The following RALB variants were observed in gnomAD, a reference collection of about 807,000 sequenced individuals.
The protein encoded by RALB is RAS like proto-oncogene B, also known as ras-related protein Ral-B.
RALB carries 16 observed loss-of-function variants against 21.3 expected under a neutral mutation model. The observed-to-expected ratio is 0.75, with a 90% CI of 0.51 to 1.14. The LOEUF is 1.14. Ranked by LOEUF, RALB falls within the 50% of genes most tolerant of loss-of-function variation. The pLI, the probability that RALB is intolerant of heterozygous loss-of-function variation, is 0.00. For synonymous variants in RALB, 93 were observed against 96.1 expected (o/e 0.97, Z 0.19); for missense variants, 161 against 256.2 (o/e 0.63, Z 2.54).
rs745372350 is a variant in RALB, at chr2:120,252,893, G to A, written c.-135G>A. On this transcript the variant is annotated 5_prime_UTR_variant, in exon 1 of 5. Transcript: ENST00000272519. Reference sequence around the variant, plus strand: ...GCTCAATGACAAATCGGTGGAGGACGGCTGGGGTCCGGCCCCGGGAGGGGG... The same window carrying A: ...GCTCAATGACAAATCGGTGGAGGACAGCTGGGGTCCGGCCCCGGGAGGGGG... 34 of 985,452 alleles carry A rather than the reference G, an allele frequency of 3.5e-5. No individual in the cohort carries two copies. Among genetic ancestry groups the A allele is most frequent in the Middle Eastern group, 1.0e-3 (2 of 1,936 alleles). 61.0% of individuals were successfully genotyped at this position (985,452 alleles called of 1,614,324 possible).
At chr2:120,264,217 C>A (rs1689441818) in intron 1 of RALB, among the ~76,000 whole-genome samples, 1 of 150,916 alleles carries the variant, frequency 6.6e-6, no homozygotes, top group African/African-American at 2.4e-5. Context: ...GTGGTGTGAT[C>A]TCGGCTCACT....
chr2:120,252,823 G>A (rs1470382944), upstream of RALB: 1 of 985,672 alleles, frequency 1.0e-6, no homozygotes, highest in African/African-American at 1.7e-5. Flanking sequence ...GGTTGCCTAG[G>A]CGACGCCGGA....
chr2:120,272,879 C>A (rs565146172), intron 1 of RALB, among the ~76,000 whole-genome samples: 430 of 152,236 alleles, frequency 2.8e-3, no homozygotes, highest in African/African-American at 9.4e-3. Context: ...GTACTGTAAT[C>A]ATTTACTTAC....
At chr2:120,269,112 A>G (rs1290831027) in intron 1 of RALB, among the ~76,000 whole-genome samples, 5 of 152,096 alleles carry the variant, frequency 3.3e-5, no homozygotes, top group Non-Finnish European at 7.4e-5. Context: ...ATTTGGTTGT[A>G]ATTTGGTTTG....
intron 1 of RALB, among the ~76,000 whole-genome samples, chr2:120,240,287 AT>A (rs1433107492): frequency 6.0e-5 from 8 of 133,900 alleles, no homozygotes; most frequent in African/African-American, 2.5e-4. Context: ...TTTTATTTTT[AT>A]TTTTATTTTT....
At chr2:120,260,867 G>C (rs1204944260) in intron 1 of RALB, among the ~76,000 whole-genome samples, 1 of 152,246 alleles carries the variant, frequency 6.6e-6, no homozygotes, top group Non-Finnish European at 1.5e-5. Context: ...GGGTGATCTT[G>C]ATCTCACAAA....
intron 1 of RALB, among the ~76,000 whole-genome samples, chr2:120,272,758 A>G (rs1689696515): frequency 6.6e-6 from 1 of 151,878 alleles, no homozygotes; most frequent in Non-Finnish European, 1.5e-5. Context: ...CTCTTAGTTC[A>G]TGCGATGTCC....
chr2:120,266,240 A>C (rs998195907), intron 1 of RALB, among the ~76,000 whole-genome samples: 2 of 152,284 alleles, frequency 1.3e-5, no homozygotes, highest in Non-Finnish European at 2.9e-5. Context: ...CATAGTCTCT[A>C]CAAAATTTTT....
At chr2:120,289,533 C>T (rs898966613) in intron 3 of RALB, 47 bp from the exon 4 acceptor site, 10 of 1,569,406 alleles carry the variant, frequency 6.4e-6, no homozygotes, top group South Asian at 3.4e-5. Context: ...AACCAGGGTT[C>T]GTTCTTTAGT....
chr2:120,279,438 C>T (rs953801743), intron 2 of RALB, among the ~76,000 whole-genome samples: 30 of 151,792 alleles, frequency 2.0e-4, no homozygotes, highest in Non-Finnish European at 3.4e-4. Context: ...TGAAAATATT[C>T]GGGAAAAAAA....
At chr2:120,259,915 C>A (rs1387199537) in intron 1 of RALB, among the ~76,000 whole-genome samples, 1 of 152,192 alleles carries the variant, frequency 6.6e-6, no homozygotes, top group Non-Finnish European at 1.5e-5. Flanking sequence ...CAGCCAAGGC[C>A]CGGCGAGAAA....
intron 1 of RALB, among the ~76,000 whole-genome samples, chr2:120,269,048 C>T (rs1382001306): frequency 6.6e-6 from 1 of 152,176 alleles, no homozygotes; most frequent in Non-Finnish European, 1.5e-5. Flanking sequence ...GACATTGTTC[C>T]TGGTCAGTAC....
chr2:120,280,874 T>A, intron 2 of RALB: 1 of 443,516 alleles, frequency 2.3e-6, no homozygotes, highest in Admixed American at 2.6e-5. Context: ...AGAAAAAGTA[T>A]ACAGCAAACA....
At position 120,293,302 on chromosome 2, in the gene RALB, AGGGCT is replaced by A. The variant is rs757366825; in HGVS notation, c.*46_*50del. On this transcript the variant is annotated 3_prime_UTR_variant, in exon 5 of 5. Coordinates refer to ENST00000272519, the MANE Select transcript of RALB (RefSeq NM_002881.3). ...TGAAGCCAGCTGCTCCTAAGGACACAGGGCTGGGTTGGTAAAGAGAAGGCTATGGT... is the reference window on the plus strand; with the variant it reads ...TGAAGCCAGCTGCTCCTAAGGACACAGGGTTGGTAAAGAGAAGGCTATGGT... The A allele has an allele frequency of 1.3e-6, 2 of 1,558,542 alleles. No homozygotes were observed. Among genetic ancestry groups the A allele is most frequent in the East Asian group, 4.7e-5 (2 of 42,362 alleles).
chr2:120,289,553 T>G, intron 3 of RALB, 27 bp from the exon 4 acceptor site: 1 of 1,605,028 alleles, frequency 6.2e-7, no homozygotes, highest in Non-Finnish European at 8.5e-7. Flanking sequence ...TTTTTTTAGC[T>G]GCTGTATTTT....
intron 2 of RALB, among the ~76,000 whole-genome samples, chr2:120,284,091 TTGGCG>T: frequency 6.6e-6 from 1 of 152,330 alleles, no homozygotes; most frequent in South Asian, 2.1e-4. Flanking sequence ...TTGGATTTTT[TTGGCG>T]TGTATTTTTC....
chr2:120,260,130 C>T (rs909949296), intron 1 of RALB, among the ~76,000 whole-genome samples: 40 of 152,398 alleles, frequency 2.6e-4, no homozygotes, highest in Non-Finnish European at 4.4e-4. Flanking sequence ...GCTCGTGCCT[C>T]TCCCTCCACA....
intron 2 of RALB, among the ~76,000 whole-genome samples, chr2:120,283,535 T>C (rs1047713023): frequency 4.6e-5 from 7 of 152,240 alleles, no homozygotes; most frequent in African/African-American, 1.7e-4. Context: ...TATTCTTGTC[T>C]AAGTTCTGAC....
At chr2:120,269,355 G>A (rs1689594848) in intron 1 of RALB, among the ~76,000 whole-genome samples, 1 of 152,230 alleles carries the variant, frequency 6.6e-6, no homozygotes, top group Admixed American at 6.5e-5. Context: ...GTGAACAGCA[G>A]TAAGATTTAT....
Sources: gnomAD v4.1 joint callset for allele counts (sites outside exome capture counted in the v4.1 genomes callset) on GRCh38, gnomAD v4.1.1 for gene constraint, MANE v1.5 for transcripts, NCBI Gene and HGNC (gene_info 2026-07-23, HGNC 2026-07-21) for gene names.